SUGCT: variants seen among roughly 807,000 people sequenced by gnomAD.
SUGCT encodes the protein succinyl-CoA:glutarate CoA-transferase.
Under a neutral mutation model 55.0 loss-of-function variants are expected in SUGCT, and 41 were observed. That is an observed-to-expected ratio of 0.74 (90% CI 0.58 to 0.97). The LOEUF (loss-of-function observed/expected upper bound fraction) is 0.97. Ranked by LOEUF, SUGCT falls within the 50% of genes least tolerant of loss-of-function variation. The pLI is 0.00. For synonymous variants in SUGCT, 187 were observed against 200.4 expected (o/e 0.93, Z 0.56); for missense variants, 568 against 547.8 (o/e 1.04, Z -0.37).
chr7:40,647,412 G>T (rs1385647509), intron 12 of SUGCT, among the ~76,000 whole-genome samples: 1 of 152,090 alleles, frequency 6.6e-6, no homozygotes. Context: ...TACTCCATAG[G>T]AAATTGCTGG....
chr7:40,482,173 T>C (rs1791089101), intron 11 of SUGCT, among the ~76,000 whole-genome samples: 1 of 152,198 alleles, frequency 6.6e-6, no homozygotes, highest in African/African-American at 2.4e-5. Flanking sequence ...TCAGAAATTT[T>C]AGGAAAATAA....
chr7:40,450,889 C>G (rs987289071), intron 10 of SUGCT, among the ~76,000 whole-genome samples: 1 of 152,030 alleles, frequency 6.6e-6, no homozygotes, highest in African/African-American at 2.4e-5. Flanking sequence ...GGGAGCAGAG[C>G]TAAAAACCAC....
chr7:40,699,831 C>T (rs1785100280), intron 12 of SUGCT, among the ~76,000 whole-genome samples: 1 of 152,058 alleles, frequency 6.6e-6, no homozygotes, highest in Non-Finnish European at 1.5e-5. Context: ...ACACTCCAGC[C>T]TGGGTGACAG....
intron 8 of SUGCT, among the ~76,000 whole-genome samples, chr7:40,284,733 T>TA (rs1211420497): frequency 1.3e-5 from 2 of 151,668 alleles, no homozygotes. Flanking sequence ...TTCAATTAAA[T>TA]AAAAAATCAT....
the SUGCT span, among the ~76,000 whole-genome samples, chr7:40,902,087 A>G: frequency 1.3e-5 from 2 of 152,112 alleles, no homozygotes; most frequent in African/African-American, 2.4e-5. Context: ...TTAACAGCCT[A>G]CATTCACCCA....
At chr7:40,750,314 C>A (rs1787946132) in intron 13 of SUGCT, among the ~76,000 whole-genome samples, 1 of 152,210 alleles carries the variant, frequency 6.6e-6, no homozygotes. Flanking sequence ...ATTATTTGTT[C>A]ATTGTGTCCA....
chr7:40,459,564 T>C (rs1257007427), intron 11 of SUGCT, among the ~76,000 whole-genome samples: 1 of 152,226 alleles, frequency 6.6e-6, no homozygotes, highest in Non-Finnish European at 1.5e-5. Flanking sequence ...CTTTGTTAAA[T>C]GCTTTAGATA....
chr7:40,752,481 G>T (rs1419591046), intron 13 of SUGCT, among the ~76,000 whole-genome samples: 1 of 152,144 alleles, frequency 6.6e-6, no homozygotes, highest in African/African-American at 2.4e-5. Context: ...TCAGCCTCCT[G>T]AGTAGCTGGG....
intron 1 of SUGCT, among the ~76,000 whole-genome samples, chr7:40,160,321 C>T (rs565857186): frequency 8.5e-5 from 13 of 152,202 alleles, no homozygotes; most frequent in African/African-American, 1.9e-4. Flanking sequence ...CTCTTGCTCC[C>T]GGGTTCAAGC....
At chr7:40,869,933 A>G in the SUGCT span, among the ~76,000 whole-genome samples, 1 of 152,358 alleles carries the variant, frequency 6.6e-6, no homozygotes, top group Admixed American at 6.5e-5. Flanking sequence ...CAGGATGTAC[A>G]TGATGTTGAT....
At chr7:40,506,745 A>G (rs547294634) in intron 12 of SUGCT, among the ~76,000 whole-genome samples, 1 of 151,990 alleles carries the variant, frequency 6.6e-6, no homozygotes, top group Non-Finnish European at 1.5e-5. Context: ...TGTTCTGCAT[A>G]TTGCTTATCT....
At chr7:40,975,952 A>G in the SUGCT span, among the ~76,000 whole-genome samples, 37 of 152,302 alleles carry the variant, frequency 2.4e-4, no homozygotes, top group South Asian at 1.0e-3. Flanking sequence ...CCCTGCCTTA[A>G]CTAAGCTCCA....
intron 12 of SUGCT, among the ~76,000 whole-genome samples, chr7:40,666,518 T>C (rs564011808): frequency 7.2e-6 from 1 of 137,946 alleles, no homozygotes; most frequent in South Asian, 2.3e-4. Context: ...TAAACAAGAA[T>C]GTTTTCAAAG....
At chr7:40,419,821 A>G (rs1787210135) in intron 9 of SUGCT, among the ~76,000 whole-genome samples, 1 of 152,208 alleles carries the variant, frequency 6.6e-6, no homozygotes, top group Non-Finnish European at 1.5e-5. Flanking sequence ...AGAATGGTTA[A>G]TAAAAAGAAA....
chr7:40,912,345 T>C, the SUGCT span, among the ~76,000 whole-genome samples: 2 of 152,196 alleles, frequency 1.3e-5, no homozygotes, highest in African/African-American at 4.8e-5. Flanking sequence ...GTATCTTGCT[T>C]GTATGACATT....
chr7:40,919,143 C>A, the SUGCT span, among the ~76,000 whole-genome samples: 1 of 152,174 alleles, frequency 6.6e-6, no homozygotes, highest in South Asian at 2.1e-4. Flanking sequence ...TGCCTTTAAC[C>A]ACCTGCTAGC....
At chr7:40,140,477 T>G (rs1787924737) in intron 1 of SUGCT, among the ~76,000 whole-genome samples, 1 of 152,200 alleles carries the variant, frequency 6.6e-6, no homozygotes, top group African/African-American at 2.4e-5. Context: ...CTCAGTTCAT[T>G]GCAACCTCCG....
intron 5 of SUGCT, among the ~76,000 whole-genome samples, chr7:40,192,779 C>G: frequency 6.6e-6 from 1 of 151,086 alleles, no homozygotes; most frequent in African/African-American, 2.4e-5. Context: ...CTTCAGGTGC[C>G]CACCACCATG....
At chr7:40,189,162 C>T (rs1020748958) in intron 4 of SUGCT, among the ~76,000 whole-genome samples, 2 of 151,858 alleles carry the variant, frequency 1.3e-5, no homozygotes, top group Non-Finnish European at 2.9e-5. Flanking sequence ...GCCAATATGG[C>T]GATACCCCGT....
Sources: allele counts gnomAD v4.1 joint callset (sites outside exome capture counted in the v4.1 genomes callset), GRCh38; gene constraint gnomAD v4.1.1; transcripts MANE v1.5; gene names NCBI Gene and HGNC (gene_info 2026-07-23, HGNC 2026-07-21).